STX12: variants seen among roughly 807,000 people sequenced by gnomAD.
The protein encoded by STX12 is syntaxin 12.
STX12 carries 17 observed loss-of-function variants against 42.2 expected under a neutral mutation model. That is an observed-to-expected ratio of 0.40 (90% CI 0.28 to 0.60). STX12 has a LOEUF of 0.60. Among genes scored for constraint, STX12 ranks in the 20% least tolerant of loss-of-function variants. STX12 has a pLI of 0.39. For missense variants in STX12, 297 were observed against 330.9 expected (o/e 0.90, Z 0.79); for synonymous variants, 108 against 116.7 (o/e 0.93, Z 0.48).
intron 2 of STX12, among the ~76,000 whole-genome samples, chr1:27,792,585 G>C (rs988351985): frequency 4.0e-5 from 6 of 151,558 alleles, no homozygotes; most frequent in Non-Finnish European, 8.8e-5. Context: ...TAATTAGTGT[G>C]GTGTGTTAGC....
intron 1 of STX12, among the ~76,000 whole-genome samples, chr1:27,775,008 T>TA (rs1388142055): frequency 1.3e-5 from 2 of 151,976 alleles, no homozygotes; most frequent in East Asian, 1.9e-4. Flanking sequence ...AATCCAGAAG[T>TA]AAAAAAAATT....
At chr1:27,806,170 G>A (rs564149738) in intron 4 of STX12, among the ~76,000 whole-genome samples, 5 of 152,096 alleles carry the variant, frequency 3.3e-5, no homozygotes, top group East Asian at 3.8e-4. Context: ...CAAGTCTTCC[G>A]AAATTTTATT....
chr1:27,806,748 T>C (rs1452709746), intron 4 of STX12, among the ~76,000 whole-genome samples: 1 of 152,184 alleles, frequency 6.6e-6, no homozygotes, highest in African/African-American at 2.4e-5. Flanking sequence ...TAAAAGAGGT[T>C]TAATTGACTC....
intron 1 of STX12, among the ~76,000 whole-genome samples, chr1:27,779,078 T>C (rs2088646712): frequency 6.6e-6 from 1 of 152,200 alleles, no homozygotes; most frequent in African/African-American, 2.4e-5. Flanking sequence ...GGGTTCCACT[T>C]TCAAAGTTAT....
At chr1:27,781,949 C>T (rs958710805) in intron 1 of STX12, among the ~76,000 whole-genome samples, 1 of 152,138 alleles carries the variant, frequency 6.6e-6, no homozygotes, top group African/African-American at 2.4e-5. Context: ...TTCGTATCAT[C>T]TCATTTCATC....
chr1:27,820,828 G>A (rs1466600156), intron 8 of STX12, among the ~76,000 whole-genome samples: 1 of 152,126 alleles, frequency 6.6e-6, no homozygotes. Context: ...TATACACCAT[G>A]GAATACTATG....
chr1:27,804,502 TCTCA>T (rs1417720010), intron 4 of STX12, among the ~76,000 whole-genome samples: 2 of 151,158 alleles, frequency 1.3e-5, no homozygotes, highest in Non-Finnish European at 2.9e-5. Context: ...ATTAGTCTGT[TCTCA>T]CTCTGCTATA....
intron 6 of STX12, among the ~76,000 whole-genome samples, chr1:27,816,346 C>T (rs958226368): frequency 1.1e-4 from 16 of 150,430 alleles, no homozygotes; most frequent in Admixed American, 3.3e-4. Context: ...TGGTGGTGCA[C>T]GACTGTAATC....
intron 1 of STX12, among the ~76,000 whole-genome samples, chr1:27,779,019 CA>C (rs1240843596): frequency 6.6e-6 from 1 of 152,106 alleles, no homozygotes; most frequent in East Asian, 1.9e-4. Context: ...CTCAGTCTCC[CA>C]AAGCAAGAAG....
At chr1:27,804,211 A>G (rs2088844857) in intron 4 of STX12, among the ~76,000 whole-genome samples, 1 of 149,536 alleles carries the variant, frequency 6.7e-6, no homozygotes, top group South Asian at 2.1e-4. Flanking sequence ...GGATCACCTG[A>G]GGTCAGGAGT....
intron 1 of STX12, among the ~76,000 whole-genome samples, chr1:27,780,273 G>A (rs1005553869): frequency 3.0e-4 from 44 of 146,332 alleles, no homozygotes; most frequent in African/African-American, 8.6e-4. Context: ...GCAGTGGGGC[G>A]ATCAGGCTCA....
At chr1:27,804,295 G>A (rs12089391) in intron 4 of STX12, among the ~76,000 whole-genome samples, 18,221 of 151,192 alleles carry the variant, frequency 0.12, 3,639 homozygotes, top group African/African-American at 0.42. Context: ...GCATGGTGGC[G>A]CATGCCTGTA....
At chr1:27,816,728 C>A (rs1193154387) in intron 6 of STX12, among the ~76,000 whole-genome samples, 3 of 151,348 alleles carry the variant, frequency 2.0e-5, no homozygotes, top group Admixed American at 6.6e-5. Flanking sequence ...ACCAGCCTGG[C>A]CAACATGGTG....
intron 1 of STX12, 126 bp downstream of exon 1, chr1:27,773,551 C>G: frequency 2.4e-6 from 2 of 824,428 alleles, no homozygotes; most frequent in Non-Finnish European, 3.8e-6. Flanking sequence ...TCGGGCTGTC[C>G]ACCCTGGGGG....
At chr1:27,774,213 AGTT>A (rs1283523891) in intron 1 of STX12, among the ~76,000 whole-genome samples, 1 of 152,178 alleles carries the variant, frequency 6.6e-6, no homozygotes, top group East Asian at 1.9e-4. Context: ...GGCATGGTAG[AGTT>A]GTTGGTGGAA....
At chr1:27,820,548 C>T (rs1050982586) in intron 8 of STX12, among the ~76,000 whole-genome samples, 4 of 152,120 alleles carry the variant, frequency 2.6e-5, no homozygotes, top group Non-Finnish European at 5.9e-5. Context: ...GCTTTTGTTG[C>T]CATTGCTTTT....
intron 8 of STX12, among the ~76,000 whole-genome samples, chr1:27,821,561 A>ATT (rs61213603): frequency 6.8e-6 from 1 of 147,768 alleles, no homozygotes; most frequent in Non-Finnish European, 1.5e-5. Context: ...CGCTTGCTGT[A>ATT]TTTTTTTTTT....
intron 1 of STX12, among the ~76,000 whole-genome samples, chr1:27,776,808 A>T (rs1360618728): frequency 6.6e-6 from 1 of 151,982 alleles, no homozygotes; most frequent in East Asian, 1.9e-4. Flanking sequence ...TTGTTTTTTC[A>T]CTCTCCAGAG....
At chr1:27,806,567 G>T (rs2088863835) in intron 4 of STX12, among the ~76,000 whole-genome samples, 1 of 152,118 alleles carries the variant, frequency 6.6e-6, no homozygotes, top group Admixed American at 6.6e-5. Flanking sequence ...TTAATAATTT[G>T]TATGGCTTCA....
Sources: allele counts gnomAD v4.1 joint callset (sites outside exome capture counted in the v4.1 genomes callset), GRCh38; gene constraint gnomAD v4.1.1; transcripts MANE v1.5; gene names NCBI Gene and HGNC (gene_info 2026-07-23, HGNC 2026-07-21).